Variants in USH2A observed in about 807,000 individuals in gnomAD.
USH2A encodes Usher syndrome 2A (autosomal recessive, mild).
A neutral mutation model predicts 538.9 loss-of-function variants in USH2A; 443 were observed. The ratio of observed to expected loss-of-function variants is 0.82; its 90% CI spans 0.76 to 0.89. The LOEUF (loss-of-function observed/expected upper bound fraction) is 0.89. USH2A is among the 40% of genes least tolerant of loss of function. The probability of loss-of-function intolerance (pLI) is 0.00; values close to 1 mark genes in which losing one functional copy is unlikely to be tolerated. For synonymous variants in USH2A, 2,413 were observed against 2,273.5 expected, an observed-to-expected ratio of 1.06 and a Z score of -1.75; for missense variants, 6,633 against 6,324.8, an observed-to-expected ratio of 1.05 and a Z score of -1.65.
chr1:216,212,133 G>A (rs748890174), intron 15 of USH2A, among the ~76,000 whole-genome samples: 4 of 152,144 alleles, frequency 2.6e-5, no homozygotes, highest in African/African-American at 4.8e-5. Flanking sequence ...CCATGTCAAA[G>A]GGTGTAGAAA....
intron 21 of USH2A, among the ~76,000 whole-genome samples, chr1:216,158,879 C>T (rs1194025317): frequency 2.0e-5 from 3 of 152,120 alleles, no homozygotes; most frequent in South Asian, 4.1e-4. Context: ...TCTTTAATTT[C>T]TCACAGTAAT....
intron 9 of USH2A, among the ~76,000 whole-genome samples, chr1:216,307,869 G>T (rs2037346770): frequency 6.6e-6 from 1 of 152,156 alleles, no homozygotes; most frequent in South Asian, 2.1e-4. Flanking sequence ...CCCCAGGAAG[G>T]CTATGTGTTC....
intron 47 of USH2A, among the ~76,000 whole-genome samples, chr1:215,821,594 G>A (rs1373404315): frequency 6.6e-6 from 1 of 151,522 alleles, no homozygotes; most frequent in African/African-American, 2.4e-5. Flanking sequence ...TTCCTTTGTT[G>A]TGCAGAAGCT....
intron 21 of USH2A, among the ~76,000 whole-genome samples, chr1:216,125,585 T>C (rs1410928026): frequency 6.6e-6 from 1 of 152,188 alleles, no homozygotes; most frequent in Admixed American, 6.5e-5. Context: ...GTAACAAATT[T>C]TCCATCATAT....
chr1:215,692,743 A>G (rs1658659756), intron 61 of USH2A, among the ~76,000 whole-genome samples: 2 of 152,102 alleles, frequency 1.3e-5, no homozygotes, highest in Admixed American at 1.3e-4. Context: ...TTTAAAAATC[A>G]TTTTTGAAGG....
chr1:215,855,066 C>A (rs569542797), intron 44 of USH2A, among the ~76,000 whole-genome samples: 5 of 152,314 alleles, frequency 3.3e-5, no homozygotes, highest in African/African-American at 1.2e-4. Context: ...GACTCTCTTA[C>A]CATCCCTATC....
intron 32 of USH2A, among the ~76,000 whole-genome samples, chr1:216,040,048 TACACACACACACACACAC>T (rs59691309): frequency 6.8e-6 from 1 of 146,228 alleles, no homozygotes; most frequent in Admixed American, 6.9e-5. Context: ...GTCTCTCAAT[TACACACACACACACACAC>T]ACACACACAC....
intron 11 of USH2A, among the ~76,000 whole-genome samples, chr1:216,287,503 C>T (rs2036908791): frequency 6.6e-6 from 1 of 151,932 alleles, no homozygotes. Flanking sequence ...TGACATCTCA[C>T]TGGTAGATTG....
chr1:215,626,264 CATAT>C (rs1558026677), intron 71 of USH2A, among the ~76,000 whole-genome samples: 1 of 149,076 alleles, frequency 6.7e-6, no homozygotes, highest in Non-Finnish European at 1.5e-5. Flanking sequence ...ATAGACACTA[CATAT>C]ATATACTATA....
At chr1:215,915,772 G>C (rs563537582) in intron 38 of USH2A, among the ~76,000 whole-genome samples, 5 of 151,590 alleles carry the variant, frequency 3.3e-5, no homozygotes, top group Non-Finnish European at 7.4e-5. Flanking sequence ...CAATAGCAAA[G>C]ACTTGGAACC....
chr1:216,366,842 G>A (rs977613010), intron 3 of USH2A, among the ~76,000 whole-genome samples: 1 of 152,074 alleles, frequency 6.6e-6, no homozygotes, highest in Non-Finnish European at 1.5e-5. Flanking sequence ...ATTCCGCTTT[G>A]TTGGGTAGTA....
In USH2A at chr1:215,758,598, G is replaced by A. The variant is rs778502915; in HGVS notation, c.11386C>T (p.Pro3796Ser). 6.2e-7 allele frequency: 1 copy of A among 1,607,436 alleles called. No individual in the cohort carries two copies. Among genetic ancestry groups the A allele is most frequent in the South Asian group, 1.1e-5 (1 of 90,200 alleles). Residue 3796 changes from proline (P) to serine (S), a missense_variant, in exon 58 of 72, where the codon CCA becomes TCA. Transcript: ENST00000307340. ...CATACTTCTTTTTTTTTTTTACCTGGTGGTATCCAAGCTACAAATATAGAA... is the reference window on the plus strand; with the variant it reads ...CATACTTCTTTTTTTTTTTTACCTGATGGTATCCAAGCTACAAATATAGAA... ...PYSIFVAWIP[P>S]GILIPEIPVE...
At chr1:215,967,740 CTTCTTTG>C (rs1002186306) in intron 36 of USH2A, among the ~76,000 whole-genome samples, 102 of 125,946 alleles carry the variant, frequency 8.1e-4, no homozygotes, top group African/African-American at 3.1e-3. Flanking sequence ...CACTTATTTG[CTTCTTTG>C]CAAAAAAAAA....
chr1:215,997,796 T>A (rs1053563598), intron 34 of USH2A, among the ~76,000 whole-genome samples: 1 of 152,170 alleles, frequency 6.6e-6, no homozygotes, highest in Non-Finnish European at 1.5e-5. Context: ...TGTTAGCATT[T>A]GAAAATCAAG....
chr1:215,776,858 A>C (rs1334260450), intron 55 of USH2A, among the ~76,000 whole-genome samples: 1 of 152,172 alleles, frequency 6.6e-6, no homozygotes, highest in African/African-American at 2.4e-5. Context: ...CATTATATAG[A>C]TCTCAAGTTT....
At chr1:215,717,314 C>A (rs1222106703) in intron 61 of USH2A, among the ~76,000 whole-genome samples, 9 of 152,120 alleles carry the variant, frequency 5.9e-5, no homozygotes, top group Non-Finnish European at 1.3e-4. Flanking sequence ...GAAAGGTCTA[C>A]GGAATCATCC....
chr1:216,084,598 G>A lies in USH2A; in HGVS notation c.5167+100C>T, dbSNP rs1032997504. ...TAACTAAGTATTTCTGTGATACTAG[G>A]TTCATATGAGGTCAAGTTAATCAAA... On this transcript the variant is annotated intron_variant, in intron 25 of 71. Transcript: ENST00000307340. The A allele has an allele frequency of 7.0e-6, 9 of 1,284,878 alleles. No homozygotes were observed. In the Admixed American group the frequency reaches 7.2e-5, roughly 10 times the overall value. 79.6% of individuals were successfully genotyped at this position (1,284,878 alleles called of 1,614,324 possible).
chr1:216,061,200 A>T (rs2031168702), intron 30 of USH2A, among the ~76,000 whole-genome samples: 1 of 152,190 alleles, frequency 6.6e-6, no homozygotes, highest in Admixed American at 6.5e-5. Flanking sequence ...AGACAAATTC[A>T]TGAATGGTAA....
intron 3 of USH2A, among the ~76,000 whole-genome samples, chr1:216,413,898 A>C (rs2039533646): frequency 6.6e-6 from 1 of 152,138 alleles, no homozygotes; most frequent in South Asian, 2.1e-4. Flanking sequence ...TTGGGCTATA[A>C]AATGTGTGGA....
Sources: gnomAD v4.1 joint callset for allele counts (sites outside exome capture counted in the v4.1 genomes callset) on GRCh38, gnomAD v4.1.1 for gene constraint, MANE v1.5 for transcripts, NCBI Gene and HGNC (gene_info 2026-07-23, HGNC 2026-07-21) for gene names.